The following LMNTD1 variants were observed in gnomAD, a reference collection of about 807,000 sequenced individuals.
LMNTD1 encodes the protein lamin tail domain-containing protein 1.
Under a neutral mutation model 50.9 loss-of-function variants are expected in LMNTD1, and 35 were observed. The ratio of observed to expected loss-of-function variants is 0.69; its 90% confidence interval spans 0.53 to 0.91. The LOEUF (loss-of-function observed/expected upper bound fraction) is 0.91, where lower values mean the gene tolerates loss of function less well. LMNTD1 is among the 40% of genes least tolerant of loss of function. LMNTD1 has a pLI of 0.00. For missense variants in LMNTD1, 470 were observed against 475.5 expected (o/e 0.99, Z 0.11); for synonymous variants, 153 against 161.9 (o/e 0.94, Z 0.42).
chr12:25,643,164 C>G (rs1207866907), intron 1 of LMNTD1, among the ~76,000 whole-genome samples: 1 of 152,072 alleles, frequency 6.6e-6, no homozygotes, highest in African/African-American at 2.4e-5. Flanking sequence ...AGTCATACAG[C>G]AAGTCATGAC....
chr12:25,563,648 G>A (rs1003223296), intron 1 of LMNTD1, among the ~76,000 whole-genome samples: 48 of 152,316 alleles, frequency 3.2e-4, no homozygotes, highest in African/African-American at 1.1e-3. Context: ...TCCATGCTGG[G>A]AGAACCACTA....
intron 9 of LMNTD1, among the ~76,000 whole-genome samples, chr12:25,480,705 T>C (rs986294104): frequency 6.6e-6 from 1 of 152,234 alleles, no homozygotes; most frequent in Non-Finnish European, 1.5e-5. Context: ...GCACCTTATC[T>C]GCTTCTAACA....
At chr12:25,550,285 AT>A (rs1943675248) in intron 2 of LMNTD1, among the ~76,000 whole-genome samples, 1 of 152,292 alleles carries the variant, frequency 6.6e-6, no homozygotes, top group Middle Eastern at 3.4e-3. Context: ...CAGTACAATT[AT>A]TTTACAAGTT....
intron 1 of LMNTD1, among the ~76,000 whole-genome samples, chr12:25,627,340 C>CT (rs1946611307): frequency 6.6e-6 from 1 of 152,140 alleles, no homozygotes; most frequent in African/African-American, 2.4e-5. Context: ...TTGAAAAACT[C>CT]TAAGCGCAGA....
intron 8 of LMNTD1, among the ~76,000 whole-genome samples, chr12:25,517,044 A>G (rs1282622985): frequency 8.9e-6 from 1 of 112,606 alleles, no homozygotes; most frequent in African/African-American, 3.0e-5. Context: ...CAATCATTAA[A>G]AAGTCAGGAA....
chr12:25,524,283 A>C (rs1017464211), intron 6 of LMNTD1, among the ~76,000 whole-genome samples: 14 of 152,210 alleles, frequency 9.2e-5, no homozygotes, highest in African/African-American at 3.4e-4. Context: ...AGAAGTGTGC[A>C]ATATTTATGT....
intron 1 of LMNTD1, among the ~76,000 whole-genome samples, chr12:25,588,569 T>C (rs1164801302): frequency 6.6e-6 from 1 of 151,962 alleles, no homozygotes; most frequent in Non-Finnish European, 1.5e-5. Flanking sequence ...AGTAAAACTA[T>C]CAAAAAAGCA....
chr12:25,479,205 G>A (rs572836425), intron 9 of LMNTD1, among the ~76,000 whole-genome samples: 3 of 152,254 alleles, frequency 2.0e-5, no homozygotes, highest in East Asian at 3.9e-4. Flanking sequence ...TAATGGAATC[G>A]CTGTTGTGTC....
intron 1 of LMNTD1, among the ~76,000 whole-genome samples, chr12:25,617,463 A>G (rs933553546): frequency 9.2e-5 from 14 of 152,150 alleles, no homozygotes; most frequent in Admixed American, 1.3e-4. Flanking sequence ...GGCCTTTAGC[A>G]GGAGAATGGG....
intron 1 of LMNTD1, among the ~76,000 whole-genome samples, chr12:25,578,003 C>G (rs1000159327): frequency 6.6e-6 from 1 of 152,126 alleles, no homozygotes; most frequent in Non-Finnish European, 1.5e-5. Flanking sequence ...TGACTTCACT[C>G]CATGGACAGG....
intron 1 of LMNTD1, among the ~76,000 whole-genome samples, chr12:25,622,851 A>G (rs1399218174): frequency 6.9e-6 from 1 of 145,280 alleles, no homozygotes; most frequent in Non-Finnish European, 1.5e-5. Context: ...ATGTCCACAC[A>G]CTAAGTTTCT....
Position 25,510,722 on chromosome 12 carries a change from A to G in LMNTD1, c.1190-6922T>C, listed in dbSNP as rs1411882866. 2.0e-5 allele frequency among the ~76,000 whole-genome samples: 3 copies of G among 151,884 alleles called. No individual in the cohort carries two copies. The East Asian group carries it at 5.8e-4, about 29-fold the overall frequency. ...TTTTATTTTTTATATTCCTTCTAAA[A>G]TTCTCATTAAAATACCAGTCTAACT... On this transcript the variant is annotated intron_variant, in intron 8 of 9. Coordinates refer to ENST00000458174, the MANE Select transcript of LMNTD1 (RefSeq NM_001145728.2).
upstream of LMNTD1, among the ~76,000 whole-genome samples, chr12:25,556,902 T>C (rs1944066069): frequency 6.6e-6 from 1 of 152,226 alleles, no homozygotes; most frequent in Non-Finnish European, 1.5e-5. Flanking sequence ...CAAGAGATTT[T>C]ATTAAATTGG....
intron 1 of LMNTD1, among the ~76,000 whole-genome samples, chr12:25,571,515 T>A (rs1179323543): frequency 2.6e-5 from 4 of 151,466 alleles, no homozygotes; most frequent in Non-Finnish European, 4.4e-5. Flanking sequence ...AGGCACCCAC[T>A]ACCACACCCG....
At chr12:25,609,844 C>T (rs1232864579) in intron 1 of LMNTD1, among the ~76,000 whole-genome samples, 1 of 152,218 alleles carries the variant, frequency 6.6e-6, no homozygotes, top group African/African-American at 2.4e-5. Context: ...AGAGCTCAAA[C>T]ACCATGCTGG....
At chr12:25,533,715 C>T (rs1267973205) in intron 4 of LMNTD1, among the ~76,000 whole-genome samples, 3 of 152,124 alleles carry the variant, frequency 2.0e-5, no homozygotes, top group East Asian at 3.8e-4. Flanking sequence ...AGAGCCCTCA[C>T]GCCTGAAAGT....
intron 1 of LMNTD1, among the ~76,000 whole-genome samples, chr12:25,648,038 A>G (rs980098946): frequency 2.0e-5 from 3 of 152,290 alleles, no homozygotes; most frequent in Non-Finnish European, 4.4e-5. Flanking sequence ...AAGATAGAGA[A>G]TGTAGTTTTT....
chr12:25,643,484 G>A (rs1946994533), intron 1 of LMNTD1, among the ~76,000 whole-genome samples: 1 of 152,190 alleles, frequency 6.6e-6, no homozygotes, highest in Admixed American at 6.5e-5. Context: ...GGATAAACAA[G>A]GAAGAGACTT....
At chr12:25,524,890 C>T (rs1460369397) in intron 6 of LMNTD1, among the ~76,000 whole-genome samples, 2 of 152,158 alleles carry the variant, frequency 1.3e-5, no homozygotes, top group South Asian at 2.1e-4. Context: ...CTCATGGGTG[C>T]TCTCCTCATC....
Sources: gnomAD v4.1 joint callset for allele counts (sites outside exome capture counted in the v4.1 genomes callset) on GRCh38, gnomAD v4.1.1 for gene constraint, MANE v1.5 for transcripts, NCBI Gene and HGNC (gene_info 2026-07-23, HGNC 2026-07-21) for gene names.